Variants in ALG13 observed in about 807,000 individuals in gnomAD.
ALG13 encodes the protein UDP-N-acetylglucosamine transferase subunit ALG13.
ALG13 carries 11 observed loss-of-function variants against 87.8 expected under a neutral mutation model. The observed-to-expected ratio is 0.13, with a 90% CI of 0.08 to 0.21. The LOEUF (loss-of-function observed/expected upper bound fraction) is 0.21, where lower values mean the gene tolerates loss of function less well. ALG13 is among the 10% of genes least tolerant of loss of function. The pLI, the probability that ALG13 is intolerant of heterozygous loss-of-function variation, is 1.00. For synonymous variants in ALG13, 320 were observed against 306.3 expected, an observed-to-expected ratio of 1.04 and a Z score of -0.47; for missense variants, 756 against 866.1, an observed-to-expected ratio of 0.87 and a Z score of 1.60.
chrX:111,693,822 C>G (rs1253863411), intron 3 of ALG13, among the ~76,000 whole-genome samples: 4 of 110,478 alleles, frequency 3.6e-5, no homozygotes, highest in Non-Finnish European at 1.9e-5. Flanking sequence ...GGCTTTTCTT[C>G]TCTATATACA....
In ALG13 at chrX:111,735,091, A is replaced by G. The variant is rs1889167454; in HGVS notation, c.2498A>G (p.Asp833Gly). Residue 833 changes from aspartate (D) to glycine (G), a missense_variant, in exon 22 of 27, where the codon GAC becomes GGC. By Grantham distance (94) the Asp-to-Gly change is moderately conservative. Transcript: ENST00000394780. ...DRKSCSMSPQ[D>G]TVTSYNYPQK... ...AAGTCATGTTCTATGTCTCCTCAGG[A>G]CACAGTTACCTCATACAACTACCCC... 1.7e-6 allele frequency: 2 copies of G among 1,193,565 alleles called. No homozygotes were observed. The highest frequency in any genetic ancestry group is 3.0e-5 in the East Asian group (1 of 33,575).
chrX:111,692,178 A>G (rs1011512568), intron 3 of ALG13, among the ~76,000 whole-genome samples: 20 of 111,949 alleles, frequency 1.8e-4, no homozygotes, highest in African/African-American at 5.5e-4. Flanking sequence ...TCATTCTTCT[A>G]GCCTTTAACT....
intron 23 of ALG13, among the ~76,000 whole-genome samples, chrX:111,738,886 GA>G (rs766888684): frequency 4.3e-4 from 41 of 95,205 alleles, no homozygotes; most frequent in East Asian, 1.0e-3. Context: ...ATCTAAAATT[GA>G]AAAAAAAAAA....
intron 26 of ALG13, among the ~76,000 whole-genome samples, 177 bp downstream of exon 26, chrX:111,757,939 G>A (rs1000684442): frequency 1.8e-5 from 2 of 111,633 alleles, no homozygotes; most frequent in South Asian, 3.7e-4. Context: ...GAGGTCAGAA[G>A]TGTTCACAAT....
intron 8 of ALG13, among the ~76,000 whole-genome samples, chrX:111,715,102 G>C (rs1434178986): frequency 8.9e-6 from 1 of 111,842 alleles, no homozygotes; most frequent in Non-Finnish European, 1.9e-5. Context: ...TAAATGTCTT[G>C]TGTATCTTAC....
At chrX:111,709,382 G>T (rs1939333380) in intron 5 of ALG13, among the ~76,000 whole-genome samples, 1 of 112,438 alleles carries the variant, frequency 8.9e-6, no homozygotes, top group Non-Finnish European at 1.9e-5. Flanking sequence ...AATAGTTCAT[G>T]AAAGGTTTGG....
intron 3 of ALG13, among the ~76,000 whole-genome samples, chrX:111,703,086 G>A (rs1938164197): frequency 9.1e-6 from 1 of 110,349 alleles, no homozygotes; most frequent in South Asian, 3.8e-4. Context: ...TTATGTCCAG[G>A]GATGATCTTT....
chrX:111,739,267 C>G (rs967593472), intron 23 of ALG13, among the ~76,000 whole-genome samples: 1 of 111,705 alleles, frequency 9.0e-6, no homozygotes, highest in African/African-American at 3.3e-5. Flanking sequence ...AATTTACTCA[C>G]TATCACAAGA....
chrX:111,681,205 G>C lies in ALG13; in HGVS notation c.-14G>C, dbSNP rs199642821. 8.3e-7 allele frequency: 1 copy of C among 1,209,513 alleles called. No individual in the cohort carries two copies. Among genetic ancestry groups the C allele is most frequent in the African/African-American group, 1.7e-5 (1 of 57,467 alleles). On this transcript the variant is annotated 5_prime_UTR_variant, in exon 1 of 27. Coordinates refer to ENST00000394780, the MANE Select transcript of ALG13 (RefSeq NM_001099922.3). ...TATCCGGCCCTTGCGATCAGGGCTT[G>C]AGGAACCCGCGCCATGAAGTGCGTG...
At chrX:111,723,374 G>A (rs1028918122) in intron 13 of ALG13, among the ~76,000 whole-genome samples, 3 of 109,448 alleles carry the variant, frequency 2.7e-5, no homozygotes, top group Non-Finnish European at 5.7e-5. Context: ...TCCTGACCTC[G>A]TGATCCACCC....
chrX:111,749,663 T>C (rs1459332452), intron 24 of ALG13, among the ~76,000 whole-genome samples: 2 of 111,027 alleles, frequency 1.8e-5, no homozygotes, highest in Non-Finnish European at 3.8e-5. Context: ...TCTCAACTTT[T>C]TTTTTTTTGG....
At chrX:111,700,215 A>G (rs1448745328) in intron 3 of ALG13, among the ~76,000 whole-genome samples, 2 of 110,659 alleles carry the variant, frequency 1.8e-5, no homozygotes, top group Non-Finnish European at 3.8e-5. Flanking sequence ...GATTTTTTAT[A>G]TGTTGATTTT....
chrX:111,703,643 C>A (rs927026331), intron 3 of ALG13, among the ~76,000 whole-genome samples: 1 of 111,823 alleles, frequency 8.9e-6, no homozygotes, highest in Admixed American at 9.4e-5. Context: ...TGACTCATGT[C>A]TTTTTTTGCT....
intron 1 of ALG13, 42 bp from the exon 2 acceptor site, chrX:111,682,090 A>G (rs746749937): frequency 3.6e-6 from 4 of 1,117,123 alleles, no homozygotes; most frequent in Non-Finnish European, 4.7e-6. Flanking sequence ...TGTTTTACAT[A>G]GCCAGTTTAA....
chrX:111,754,482 C>T (rs779874917), intron 25 of ALG13, among the ~76,000 whole-genome samples: 1 of 111,999 alleles, frequency 8.9e-6, no homozygotes, highest in Non-Finnish European at 1.9e-5. Context: ...GACAGGAAGT[C>T]ACTTTGTCTT....
intron 3 of ALG13, chrX:111,690,246 G>A (rs181356795): frequency 2.7e-6 from 2 of 752,142 alleles, no homozygotes; most frequent in African/African-American, 4.6e-5. Context: ...ATATTAATGA[G>A]TAAGTGGAAT....
intron 3 of ALG13, chrX:111,686,279 T>G: frequency 2.7e-6 from 1 of 367,027 alleles, no homozygotes; most frequent in Non-Finnish European, 4.1e-6. Context: ...TATATTTATT[T>G]ACATTATAGT....
At chrX:111,742,210 C>G (rs1943813782) in intron 23 of ALG13, among the ~76,000 whole-genome samples, 1 of 111,331 alleles carries the variant, frequency 9.0e-6, no homozygotes, top group South Asian at 3.8e-4. Flanking sequence ...GATGAAACGA[C>G]TGATTTTTCC....
chrX:111,711,575 TTGAGC>T, intron 5 of ALG13, 95 bp from the exon 6 acceptor site: 1 of 750,264 alleles, frequency 1.3e-6, no homozygotes. Context: ...ACCATAATTG[TTGAGC>T]TGAGCAAAAA....
Sources: allele counts gnomAD v4.1 joint callset (sites outside exome capture counted in the v4.1 genomes callset), GRCh38; gene constraint gnomAD v4.1.1; transcripts MANE v1.5; gene names NCBI Gene and HGNC (gene_info 2026-07-23, HGNC 2026-07-21).